BICRAL: variants seen among roughly 807,000 people sequenced by gnomAD.
BICRAL encodes the protein BICRA like chromatin remodeling complex associated protein.
In BICRAL, 8 loss-of-function variants were observed where a neutral mutation model predicts 91.8. The observed-to-expected ratio is 0.09, with a 90% CI of 0.05 to 0.16. The LOEUF is 0.16. Among genes scored for constraint, BICRAL ranks in the 10% least tolerant of loss-of-function variants. The pLI is 1.00. For synonymous variants in BICRAL, 445 were observed against 491.1 expected, an observed-to-expected ratio of 0.91 and a Z score of 1.24; for missense variants, 1,038 against 1,310.9, an observed-to-expected ratio of 0.79 and a Z score of 3.21.
chr6:42,808,550 G>A (rs1332140316), intron 1 of BICRAL, among the ~76,000 whole-genome samples: 1 of 152,178 alleles, frequency 6.6e-6, no homozygotes, highest in Non-Finnish European at 1.5e-5. Flanking sequence ...CATTGTTGAT[G>A]ATCATTCCTT....
intron 1 of BICRAL, among the ~76,000 whole-genome samples, chr6:42,762,355 G>C (rs76833874): frequency 0.014 from 2,173 of 152,300 alleles, 60 homozygotes; most frequent in African/African-American, 0.05. Context: ...GAAAGGAAAA[G>C]ATAAAGATAT....
chr6:42,864,991 A>G lies in BICRAL; in HGVS notation c.2785A>G (p.Lys929Glu), dbSNP rs1229007712. 1.2e-6 allele frequency: 2 copies of G among 1,614,104 alleles called. No individual in the cohort carries two copies. The highest frequency in any genetic ancestry group is 1.7e-6 in the Non-Finnish European group (2 of 1,180,038). Residue 929 changes from lysine (K) to glutamate (E), a missense_variant, in exon 13 of 13, where the codon AAG becomes GAG. Transcript: ENST00000314073. ...EEKASRREPL[K>E]ASQCSPGPEG... ...GAAGGCCAGCCGGAGAGAGCCTCTG[A>G]AGGCCAGTCAGTGCTCTCCCGGCCC...
intron 5 of BICRAL, among the ~76,000 whole-genome samples, chr6:42,827,519 AT>A (rs1279284605): frequency 1.3e-5 from 2 of 152,212 alleles, no homozygotes; most frequent in Non-Finnish European, 2.9e-5. Context: ...ATCTTTTCAA[AT>A]TGCTTCATTC....
At chr6:42,798,355 AAAAG>A (rs1161391216) in intron 1 of BICRAL, among the ~76,000 whole-genome samples, 4 of 151,424 alleles carry the variant, frequency 2.6e-5, no homozygotes, top group African/African-American at 9.8e-5. Flanking sequence ...ATAAATCTAA[AAAAG>A]AGTCACATAA....
chr6:42,817,477 C>CTT (rs1278866567), intron 2 of BICRAL, among the ~76,000 whole-genome samples: 23 of 140,958 alleles, frequency 1.6e-4, no homozygotes, highest in Middle Eastern at 3.6e-3. Context: ...TACAAGAACT[C>CTT]TTTTTTTTTT....
chr6:42,866,530 T>C lies in BICRAL; in HGVS notation c.*1084T>C, dbSNP rs775175150. On this transcript the variant is annotated 3_prime_UTR_variant, in exon 13 of 13. Coordinates refer to ENST00000314073, the MANE Select transcript of BICRAL (RefSeq NM_001393499.1). The stretch of plus-strand genomic sequence containing the variant: ...TGTTGTAATTTTTCAGTTTAAACTT[T>C]AAGGAGACTCTGGCCTTGTTTATGC... The C allele has an allele frequency of 5.6e-5, 11 of 196,376 alleles. No homozygotes were observed. The highest frequency in any genetic ancestry group is 1.1e-5 in the Non-Finnish European group (1 of 93,336). The allele number at this position is 196,376 out of a possible 1,614,324, so 12.2% of individuals were successfully genotyped here.
At chr6:42,817,959 C>A in intron 2 of BICRAL, among the ~76,000 whole-genome samples, 1 of 132,496 alleles carries the variant, frequency 7.5e-6, no homozygotes. Flanking sequence ...ATAGAGAGAC[C>A]CTATCTCTAA....
At chr6:42,809,430 ATTT>A (rs989054840) in intron 1 of BICRAL, among the ~76,000 whole-genome samples, 5 of 111,934 alleles carry the variant, frequency 4.5e-5, no homozygotes, top group African/African-American at 6.7e-5. Flanking sequence ...AACTATGAGA[ATTT>A]TTTTTTTTTT....
At chr6:42,790,725 A>G (rs1228202697) in intron 1 of BICRAL, among the ~76,000 whole-genome samples, 1 of 152,122 alleles carries the variant, frequency 6.6e-6, no homozygotes, top group African/African-American at 2.4e-5. Context: ...GTTAAAGGTG[A>G]GAGGAGCAAA....
In BICRAL at chr6:42,868,070, C is replaced by CTTTTT. The variant is rs58785533; in HGVS notation, c.*2637_*2641dup. The CTTTTT allele has an allele frequency of 8.1e-6, 1 of 124,068 alleles. No individual in the cohort carries two copies. The allele number at this position is 124,068 out of a possible 1,614,324, so 7.7% of individuals were successfully genotyped here. Reference sequence around the variant, plus strand: ...TGTACTCAGTAACAAAAATCATTTTCTTTTTTTTTTTTTTTTTCTGTTGTG... The same window carrying CTTTTT: ...TGTACTCAGTAACAAAAATCATTTTCTTTTTTTTTTTTTTTTTTTTTTCTGTTGTG... On this transcript the variant is annotated 3_prime_UTR_variant, in exon 13 of 13. Coordinates refer to ENST00000314073, the MANE Select transcript of BICRAL (RefSeq NM_001393499.1).
At chr6:42,780,126 A>G (rs767572568), upstream of BICRAL, among the ~76,000 whole-genome samples, 21 of 151,998 alleles carry the variant, frequency 1.4e-4, no homozygotes, top group Non-Finnish European at 2.6e-4. Context: ...GCTGGTCTCA[A>G]ACTTCTAACC....
At chr6:42,860,956 T>G (rs1398928013) in intron 11 of BICRAL, among the ~76,000 whole-genome samples, 2 of 151,940 alleles carry the variant, frequency 1.3e-5, no homozygotes, top group Admixed American at 6.6e-5. Flanking sequence ...GAGAAACCCC[T>G]TCTCTACTAA....
intron 1 of BICRAL, among the ~76,000 whole-genome samples, chr6:42,787,173 T>C (rs1562461147): frequency 6.6e-6 from 1 of 152,112 alleles, no homozygotes; most frequent in Non-Finnish European, 1.5e-5. Context: ...ATTTGCTTAA[T>C]GGGTTGGCTG....
At chr6:42,845,213 T>G (rs1764965916) in intron 6 of BICRAL, among the ~76,000 whole-genome samples, 2 of 53,492 alleles carry the variant, frequency 3.7e-5, no homozygotes, top group African/African-American at 8.9e-5. Context: ...TTTTTTTTTT[T>G]TTTTTTTTTT....
chr6:42,829,277 C>T lies in BICRAL; in HGVS notation c.944C>T (p.Pro315Leu). 1 of 1,614,114 alleles carries T rather than the reference C, an allele frequency of 6.2e-7. No homozygotes were observed. The change falls in exon 6 of 13, where the codon CCA (proline) becomes CTA (leucine). Residue 315 changes from proline to leucine, a missense_variant. By Grantham distance (98) the Pro-to-Leu change is moderately conservative (BLOSUM62 -3). This residue lies in a region of BICRAL where 532 missense variants were observed against 724.9 expected (regional missense o/e 0.73). Coordinates refer to ENST00000314073, the MANE Select transcript of BICRAL (RefSeq NM_001393499.1). The stretch of plus-strand genomic sequence containing the variant: ...AATAAAGTCCCAATTAATATACAGC[C>T]AAAGCCTATCCAGATGGGTCAGCAA... ...NSNKVPINIQ[P>L]KPIQMGQQNT...
chr6:42,858,450 A>G (rs1765452420), intron 10 of BICRAL, among the ~76,000 whole-genome samples: 1 of 146,974 alleles, frequency 6.8e-6, no homozygotes, highest in Non-Finnish European at 1.5e-5. Context: ...TGGAAGGCAG[A>G]GGTTGCAGTG....
intron 1 of BICRAL, among the ~76,000 whole-genome samples, chr6:42,752,210 C>T (rs745662099): frequency 7.9e-5 from 12 of 152,166 alleles, no homozygotes; most frequent in African/African-American, 2.7e-4. Flanking sequence ...TTGCCCCTGG[C>T]GCTCTCCTCT....
chr6:42,835,561 A>C (rs955741357), intron 6 of BICRAL, among the ~76,000 whole-genome samples: 9 of 152,224 alleles, frequency 5.9e-5, no homozygotes, highest in Non-Finnish European at 8.8e-5. Flanking sequence ...AAAAAAAAAA[A>C]AACTATTAAT....
intron 6 of BICRAL, 155 bp downstream of exon 6, chr6:42,830,327 A>G: frequency 1.4e-6 from 1 of 736,728 alleles, no homozygotes; most frequent in Non-Finnish European, 2.2e-6. Context: ...ACACTTTGGG[A>G]GGCCAAGGCT....
Sources: allele counts gnomAD v4.1 joint callset (sites outside exome capture counted in the v4.1 genomes callset), GRCh38; gene constraint gnomAD v4.1.1; regional missense constraint gnomAD v4.1.1; transcripts MANE v1.5; gene names NCBI Gene and HGNC (gene_info 2026-07-23, HGNC 2026-07-21).